SLC7A2: variants seen among roughly 807,000 people sequenced by gnomAD.
The protein encoded by SLC7A2 is cationic amino acid transporter 2.
In SLC7A2, 48 loss-of-function variants were observed where a neutral mutation model predicts 58.9. That is an observed-to-expected ratio of 0.82 (90% CI 0.65 to 1.04). SLC7A2 has a LOEUF of 1.04. SLC7A2 is among the 50% of genes least tolerant of loss of function. The pLI is 0.00. For synonymous variants in SLC7A2, 363 were observed against 314.5 expected (o/e 1.15, Z -1.63); for missense variants, 1,029 against 818.8 (o/e 1.26, Z -3.13).
intron 7 of SLC7A2, 43 bp from the exon 8 acceptor site, chr8:17,554,517 G>A: frequency 6.7e-7 from 1 of 1,498,114 alleles, no homozygotes; most frequent in Non-Finnish European, 8.9e-7. Context: ...ATGTAATCTT[G>A]CATGAATGTT....
intron 2 of SLC7A2, among the ~76,000 whole-genome samples, chr8:17,539,280 TA>T: frequency 6.6e-6 from 1 of 152,244 alleles, no homozygotes; most frequent in East Asian, 1.9e-4. Flanking sequence ...AATAGGGACT[TA>T]TCAAGGAATA....
At chr8:17,497,786 C>T (rs764809715) in intron 1 of SLC7A2, among the ~76,000 whole-genome samples, 3 of 152,164 alleles carry the variant, frequency 2.0e-5, no homozygotes, top group Admixed American at 6.5e-5. Context: ...TAAAATAGCC[C>T]GTCTTGGTGT....
intron 10 of SLC7A2, 59 bp downstream of exon 10, chr8:17,560,592 G>A: frequency 7.1e-7 from 1 of 1,411,198 alleles, no homozygotes; most frequent in Non-Finnish European, 1.0e-6. Flanking sequence ...GAGTAGAGCT[G>A]GCATGATATG....
rs149158161 is a variant in SLC7A2, at chr8:17,516,213, T to A, written c.-23+13911T>A. On this transcript the variant is annotated intron_variant, in intron 2 of 12. Coordinates refer to ENST00000494857, the MANE Select transcript of SLC7A2 (RefSeq NM_001370338.1). Reference sequence around the variant, plus strand: ...TTCTATAACTGTTTTATTTTATTTATTTAATTAATTAATTAATTAATTTTT... The same window carrying A: ...TTCTATAACTGTTTTATTTTATTTAATTAATTAATTAATTAATTAATTTTT... Among the ~76,000 whole-genome samples, 1,263 of 134,008 alleles carry A rather than the reference T, an allele frequency of 9.4e-3. 14 individuals carry two copies. The highest frequency in any genetic ancestry group is 0.032 in the African/African-American group (1,187 of 37,132). 87.9% of individuals were successfully genotyped at this position (134,008 alleles called of 152,430 possible).
upstream of SLC7A2, among the ~76,000 whole-genome samples, chr8:17,496,376 C>G (rs1217332117): frequency 1.3e-5 from 2 of 152,134 alleles, no homozygotes; most frequent in Non-Finnish European, 2.9e-5. Flanking sequence ...ACTTATTGTT[C>G]AATTCAGTGC....
chr8:17,517,157 A>C (rs771852262), intron 2 of SLC7A2, among the ~76,000 whole-genome samples: 5 of 152,208 alleles, frequency 3.3e-5, no homozygotes, highest in Admixed American at 6.5e-5. Flanking sequence ...GGATTAAGAA[A>C]ATAATGTTGA....
At chr8:17,558,482 C>T (rs1200499659) in intron 9 of SLC7A2, 85 bp downstream of exon 9, 1 of 789,868 alleles carries the variant, frequency 1.3e-6, no homozygotes, top group East Asian at 2.6e-5. Context: ...TCCTGGCTTC[C>T]AGGGAGCCAG....
At chr8:17,533,635 G>A (rs1460272133) in intron 2 of SLC7A2, among the ~76,000 whole-genome samples, 4 of 152,146 alleles carry the variant, frequency 2.6e-5, no homozygotes, top group African/African-American at 7.2e-5. Flanking sequence ...TCAGCTCTTC[G>A]CTTTTAGACA....
At chr8:17,498,737 C>T (rs1425068839) in intron 1 of SLC7A2, 1 of 152,214 alleles carries the variant, frequency 6.6e-6, no homozygotes, top group Non-Finnish European at 1.5e-5. Context: ...GAGTAAAGCG[C>T]TGTGGTATCT....
chr8:17,535,652 C>T (rs571858481), intron 2 of SLC7A2, among the ~76,000 whole-genome samples: 3 of 152,260 alleles, frequency 2.0e-5, no homozygotes, highest in Admixed American at 1.3e-4. Context: ...CCTGTAATCC[C>T]AGCACTTTGG....
intron 2 of SLC7A2, among the ~76,000 whole-genome samples, chr8:17,509,127 A>G (rs1326711312): frequency 1.3e-5 from 2 of 152,154 alleles, no homozygotes; most frequent in Admixed American, 1.3e-4. Context: ...TCATCTGTTT[A>G]AAGAATGGGC....
chr8:17,515,357 G>T (rs1047454343), intron 2 of SLC7A2, among the ~76,000 whole-genome samples: 1 of 149,788 alleles, frequency 6.7e-6, no homozygotes, highest in African/African-American at 2.5e-5. Flanking sequence ...GTGCAGTGTC[G>T]CAATCTCGGC....
intron 2 of SLC7A2, among the ~76,000 whole-genome samples, chr8:17,507,570 A>T (rs1800422582): frequency 6.6e-6 from 1 of 152,180 alleles, no homozygotes; most frequent in Non-Finnish European, 1.5e-5. Context: ...GAGATGAAAA[A>T]TATTTGAAGT....
intron 3 of SLC7A2, 101 bp downstream of exon 3, chr8:17,543,816 A>T: frequency 9.6e-7 from 1 of 1,040,510 alleles, no homozygotes; most frequent in Non-Finnish European, 1.4e-6. Flanking sequence ...ACATCACTTG[A>T]TGTCTGTGTG....
chr8:17,498,245 T>C (rs1800026751), intron 1 of SLC7A2, among the ~76,000 whole-genome samples: 1 of 152,230 alleles, frequency 6.6e-6, no homozygotes, highest in Admixed American at 6.5e-5. Flanking sequence ...CGTCAGATCT[T>C]ATTCAAATAA....
chr8:17,515,065 G>C (rs903330086), intron 2 of SLC7A2, among the ~76,000 whole-genome samples: 3 of 152,144 alleles, frequency 2.0e-5, no homozygotes, highest in Admixed American at 2.0e-4. Flanking sequence ...CCAGGAAAAG[G>C]GGAGGGACTT....
At chr8:17,498,210 A>G (rs1200009794) in intron 1 of SLC7A2, among the ~76,000 whole-genome samples, 1 of 152,206 alleles carries the variant, frequency 6.6e-6, no homozygotes, top group Non-Finnish European at 1.5e-5. Flanking sequence ...GTGCAGAAAC[A>G]CTAATCCTTT....
chr8:17,504,958 C>T (rs1043846108), intron 2 of SLC7A2, among the ~76,000 whole-genome samples: 1 of 152,150 alleles, frequency 6.6e-6, no homozygotes, highest in African/African-American at 2.4e-5. Flanking sequence ...ATTCTGTTTA[C>T]ATTCGTGCCT....
chr8:17,542,574 C>T (rs907930433), intron 2 of SLC7A2, among the ~76,000 whole-genome samples: 1 of 151,708 alleles, frequency 6.6e-6, no homozygotes, highest in African/African-American at 2.4e-5. Context: ...TTGATTGAGC[C>T]CAGGAAGTTG....
Sources: gnomAD v4.1 joint callset for allele counts (sites outside exome capture counted in the v4.1 genomes callset) on GRCh38, gnomAD v4.1.1 for gene constraint, MANE v1.5 for transcripts, NCBI Gene and HGNC (gene_info 2026-07-23, HGNC 2026-07-21) for gene names.